The following ANKS1B variants were observed in gnomAD, a reference collection of about 807,000 sequenced individuals.
The protein encoded by ANKS1B is ankyrin repeat and sterile alpha motif domain containing 1B.
A neutral mutation model predicts 148.3 loss-of-function variants in ANKS1B; 36 were observed. The ratio of observed to expected loss-of-function variants is 0.24; its 90% confidence interval spans 0.19 to 0.32. ANKS1B has a LOEUF of 0.32. Among genes scored for constraint, ANKS1B ranks in the 10% least tolerant of loss-of-function variants. The pLI, the probability that ANKS1B is intolerant of heterozygous loss-of-function variation, is 1.00. For synonymous variants in ANKS1B, 542 were observed against 560.8 expected (o/e 0.97, Z 0.47); for missense variants, 1,157 against 1,542.6 (o/e 0.75, Z 4.19).
intron 11 of ANKS1B, among the ~76,000 whole-genome samples, chr12:99,413,076 T>C (rs7964840): frequency 0.26 from 39,383 of 152,038 alleles, 5,282 homozygotes; most frequent in East Asian, 0.43. Flanking sequence ...AAATATATGA[T>C]CACCACAAGG....
chr12:99,587,961 CAG>C (rs2097660416), intron 9 of ANKS1B, among the ~76,000 whole-genome samples: 1 of 152,100 alleles, frequency 6.6e-6, no homozygotes, highest in East Asian at 1.9e-4. Context: ...AAAGGAGAAA[CAG>C]GGGTGGTTAG....
At chr12:99,762,705 T>C (rs1040320405) in intron 8 of ANKS1B, among the ~76,000 whole-genome samples, 1 of 151,966 alleles carries the variant, frequency 6.6e-6, no homozygotes, top group Non-Finnish European at 1.5e-5. Context: ...AAAAAGAAAC[T>C]ATAAACACAG....
At chr12:99,502,830 A>T (rs975038632) in intron 10 of ANKS1B, among the ~76,000 whole-genome samples, 1 of 152,196 alleles carries the variant, frequency 6.6e-6, no homozygotes. Context: ...TTCCTTCTGT[A>T]TGTTTATGAT....
chr12:98,771,284 C>T (rs959554278), intron 25 of ANKS1B, among the ~76,000 whole-genome samples: 2 of 151,916 alleles, frequency 1.3e-5, no homozygotes, highest in Non-Finnish European at 2.9e-5. Context: ...ATTCTCTCAT[C>T]AGCCTCCTGA....
At chr12:99,660,556 T>A (rs972069687) in intron 8 of ANKS1B, among the ~76,000 whole-genome samples, 13 of 151,860 alleles carry the variant, frequency 8.6e-5, no homozygotes, top group Non-Finnish European at 1.6e-4. Context: ...AGAGATGGGG[T>A]TTCACCATGT....
chr12:98,743,134 T>G (rs887293706), downstream of ANKS1B, among the ~76,000 whole-genome samples: 2 of 152,208 alleles, frequency 1.3e-5, no homozygotes, highest in Non-Finnish European at 2.9e-5. Context: ...CTACCTTGAA[T>G]CCAGGTGTGA....
intron 4 of ANKS1B, among the ~76,000 whole-genome samples, 151 bp from the exon 5 acceptor site, chr12:99,782,248 T>A (rs2064414222): frequency 6.6e-6 from 1 of 152,168 alleles, no homozygotes; most frequent in Non-Finnish European, 1.5e-5. Flanking sequence ...AAAGAAGAGA[T>A]TCTAAAAGCA....
At chr12:99,004,813 A>G (rs1029185672) in intron 17 of ANKS1B, among the ~76,000 whole-genome samples, 2 of 152,102 alleles carry the variant, frequency 1.3e-5, no homozygotes, top group African/African-American at 4.8e-5. Flanking sequence ...GAATAAATGA[A>G]TGCATTGTGA....
In ANKS1B at chr12:99,077,247, G is replaced by A. The variant is rs544475423; in HGVS notation, c.2625+7678C>T. Among the ~76,000 whole-genome samples, 10 of 152,282 alleles carry A rather than the reference G, an allele frequency of 6.6e-5. No individual in the cohort carries two copies. The East Asian group carries it at 1.5e-3, about 23-fold the overall frequency. On this transcript the variant is annotated intron_variant, in intron 16 of 26. Transcript: ENST00000683438. Reference sequence around the variant, plus strand: ...TAGGACCTCCATGCTAACAGTGCACGTATGTGGGTGTGAGATTCTCTTTGA... The same window carrying A: ...TAGGACCTCCATGCTAACAGTGCACATATGTGGGTGTGAGATTCTCTTTGA...
At chr12:99,709,104 A>G (rs2056258750) in intron 8 of ANKS1B, among the ~76,000 whole-genome samples, 1 of 152,164 alleles carries the variant, frequency 6.6e-6, no homozygotes, top group African/African-American at 2.4e-5. Context: ...TTAGTGGGTC[A>G]ATATTATCTT....
intron 12 of ANKS1B, among the ~76,000 whole-genome samples, chr12:99,311,879 CAG>C (rs1399402704): frequency 4.6e-5 from 7 of 152,004 alleles, no homozygotes; most frequent in Non-Finnish European, 1.0e-4. Flanking sequence ...AATAGAATGA[CAG>C]AAATGAATTA....
At chr12:99,646,662 A>AG (rs2098370319) in intron 9 of ANKS1B, among the ~76,000 whole-genome samples, 1 of 148,518 alleles carries the variant, frequency 6.7e-6, no homozygotes, top group Non-Finnish European at 1.5e-5. Context: ...CAAAAAAAAA[A>AG]AAAAAAAAAA....
At chr12:99,635,473 A>G (rs2098224402) in intron 9 of ANKS1B, among the ~76,000 whole-genome samples, 1 of 152,196 alleles carries the variant, frequency 6.6e-6, no homozygotes, top group Non-Finnish European at 1.5e-5. Flanking sequence ...TCTTGAGAAC[A>G]TTATGCTAAG....
chr12:98,930,279 A>G (rs2099812553), intron 17 of ANKS1B, among the ~76,000 whole-genome samples: 1 of 152,178 alleles, frequency 6.6e-6, no homozygotes. Context: ...AAAAAAGACC[A>G]TAACAAATGC....
In ANKS1B at chr12:99,406,528, G is replaced by C. The variant is rs1333722745; in HGVS notation, c.1576-6717C>G. 2.8e-5 allele frequency among the ~76,000 whole-genome samples: 4 copies of C among 144,864 alleles called. 1 individual carries two copies. Among genetic ancestry groups the C allele is most frequent in the Non-Finnish European group, 6.1e-5 (4 of 65,646 alleles). On this transcript the variant is annotated intron_variant, in intron 11 of 26. Coordinates refer to ENST00000683438, the MANE Select transcript of ANKS1B (RefSeq NM_001352186.2). ...AAACCTATGGGCTACAGCAAAAGCA[G>C]AACTAACAGGAAAATTTATAGCTAT... is the stretch of plus-strand genomic sequence containing the variant.
Position 98,923,462 on chromosome 12 carries a change from C to T in ANKS1B, c.2779-91326G>A, listed in dbSNP as rs1263079920. Among the ~76,000 whole-genome samples the T allele has an allele frequency of 5.3e-5, 8 of 152,284 alleles. No individual in the cohort carries two copies. The South Asian group carries it at 1.7e-3, about 32-fold the overall frequency. ...AGTCTACTTGATGTGTGAAGGGAGG[C>T]TTTGGTTTGCCTGCTATAAAATAAT... On this transcript the variant is annotated intron_variant, in intron 17 of 26. Coordinates refer to ENST00000683438, the MANE Select transcript of ANKS1B (RefSeq NM_001352186.2).
Position 99,926,894 on chromosome 12 carries a change from G to A in ANKS1B, c.134+57210C>T, listed in dbSNP as rs184110680. ...CCCCATTCCCCCATGCTACTACCTT[G>A]TGGAAACACATTCCTACCCCACCTC... On this transcript the variant is annotated intron_variant, in intron 1 of 26. Coordinates refer to ENST00000683438, the MANE Select transcript of ANKS1B (RefSeq NM_001352186.2). 5.3e-5 allele frequency among the ~76,000 whole-genome samples: 8 copies of A among 152,102 alleles called. No individual in the cohort carries two copies. In the East Asian group the frequency reaches 1.5e-3, roughly 29 times the overall value.
chr12:99,648,725 G>A (rs757298150), intron 9 of ANKS1B: 3 of 1,613,858 alleles, frequency 1.9e-6, no homozygotes, highest in African/African-American at 2.7e-5. Flanking sequence ...AGTGATACCA[G>A]GGCTATCCTA....
At chr12:99,313,356 C>A (rs2083465964) in intron 12 of ANKS1B, among the ~76,000 whole-genome samples, 1 of 152,116 alleles carries the variant, frequency 6.6e-6, no homozygotes, top group Admixed American at 6.6e-5. Context: ...GAGCTGGTAC[C>A]AAACCTTCTG....
Sources: gnomAD v4.1 joint callset for allele counts (sites outside exome capture counted in the v4.1 genomes callset) on GRCh38, gnomAD v4.1.1 for gene constraint, MANE v1.5 for transcripts, NCBI Gene and HGNC (gene_info 2026-07-23, HGNC 2026-07-21) for gene names.